Variants in ARHGAP6 observed in about 807,000 individuals in gnomAD.
ARHGAP6 encodes rho GTPase-activating protein 6.
Under a neutral mutation model 55.7 loss-of-function variants are expected in ARHGAP6, and 16 were observed. The ratio of observed to expected loss-of-function variants is 0.29; its 90% CI spans 0.19 to 0.44. The LOEUF is 0.44. ARHGAP6 is among the 20% of genes least tolerant of loss of function. The pLI is 1.00. For synonymous variants in ARHGAP6, 382 were observed against 360.9 expected, an observed-to-expected ratio of 1.06 and a Z score of -0.66; for missense variants, 698 against 808.9, an observed-to-expected ratio of 0.86 and a Z score of 1.66.
intron 1 of ARHGAP6, among the ~76,000 whole-genome samples, chrX:11,598,026 T>A (rs2051922469): frequency 8.9e-6 from 1 of 111,958 alleles, no homozygotes; most frequent in Non-Finnish European, 1.9e-5. Flanking sequence ...GAGAGTCCAG[T>A]CCTAAGACTG....
intron 1 of ARHGAP6, chrX:11,294,845 G>A: frequency 8.3e-7 from 1 of 1,210,888 alleles, no homozygotes; most frequent in Non-Finnish European, 1.1e-6. Context: ...CCATGCCTGT[G>A]AGTAAAACAC....
intron 1 of ARHGAP6, among the ~76,000 whole-genome samples, chrX:11,539,823 G>A (rs1377619317): frequency 8.9e-6 from 1 of 111,966 alleles, no homozygotes; most frequent in Non-Finnish European, 1.9e-5. Flanking sequence ...CTTTAGTTAA[G>A]TCTATAAACA....
intron 11 of ARHGAP6, 49 bp downstream of exon 11, chrX:11,143,931 A>C: frequency 8.3e-7 from 1 of 1,211,911 alleles, no homozygotes; most frequent in South Asian, 1.8e-5. Context: ...ATGCAACAAG[A>C]GGAGGGTCGC....
At chrX:11,366,680 A>C (rs2049082468) in intron 1 of ARHGAP6, among the ~76,000 whole-genome samples, 1 of 112,062 alleles carries the variant, frequency 8.9e-6, no homozygotes, top group Admixed American at 9.4e-5. Context: ...CTAGAGTCAT[A>C]CTTTGCACAG....
At chrX:11,461,161 T>C (rs955086252) in intron 1 of ARHGAP6, among the ~76,000 whole-genome samples, 3 of 111,666 alleles carry the variant, frequency 2.7e-5, no homozygotes, top group Non-Finnish European at 5.6e-5. Context: ...GCAAAACCAG[T>C]CAAGTGATCT....
intron 1 of ARHGAP6, among the ~76,000 whole-genome samples, chrX:11,591,352 T>A (rs1261805863): frequency 3.7e-5 from 4 of 109,126 alleles, no homozygotes; most frequent in Admixed American, 2.9e-4. Context: ...ATTTAAAATA[T>A]GTTTTAAAAC....
At chrX:11,396,555 A>G (rs1176313970) in intron 1 of ARHGAP6, among the ~76,000 whole-genome samples, 1 of 111,643 alleles carries the variant, frequency 9.0e-6, no homozygotes, top group African/African-American at 3.3e-5. Context: ...TATTACATCC[A>G]AGCACTGTTC....
intron 1 of ARHGAP6, among the ~76,000 whole-genome samples, chrX:11,543,393 A>T (rs1321934077): frequency 8.9e-6 from 1 of 112,769 alleles, no homozygotes; most frequent in East Asian, 2.8e-4. Context: ...CGGCAATGTC[A>T]TGGGACATTT....
At chrX:11,239,494 T>C (rs1569268926) in intron 2 of ARHGAP6, among the ~76,000 whole-genome samples, 1 of 111,217 alleles carries the variant, frequency 9.0e-6, no homozygotes, top group Non-Finnish European at 1.9e-5. Flanking sequence ...TAAGCTGACA[T>C]GAAACATCTA....
intron 1 of ARHGAP6, among the ~76,000 whole-genome samples, chrX:11,455,068 G>A (rs1293167148): frequency 1.8e-5 from 2 of 111,603 alleles, no homozygotes; most frequent in Non-Finnish European, 3.8e-5. Context: ...TATCCAATGG[G>A]TAGATTCCAA....
intron 1 of ARHGAP6, among the ~76,000 whole-genome samples, chrX:11,598,433 G>A (rs2051928126): frequency 8.9e-6 from 1 of 111,921 alleles, no homozygotes; most frequent in Non-Finnish European, 1.9e-5. Flanking sequence ...GGCTTGCTAT[G>A]TGGGTATATT....
At chrX:11,238,704 C>T (rs186802770) in intron 2 of ARHGAP6, among the ~76,000 whole-genome samples, 1 of 111,762 alleles carries the variant, frequency 8.9e-6, no homozygotes, top group East Asian at 2.8e-4. Flanking sequence ...CACCCCTCCA[C>T]TTTGTGAGAA....
rs1648513404 is a variant in ARHGAP6 at position 11,271,148 on chromosome X, G to T, written c.589-16441C>A. Among the ~76,000 whole-genome samples the T allele has an allele frequency of 6.3e-5, 7 of 111,578 alleles. No homozygotes were observed. The South Asian group carries it at 2.3e-3, about 36-fold the overall frequency. ...GTCATGTGAACTCTTTGTAGGGCAG[G>T]TCATTTATTCTGTTATGGGTATATT... On this transcript the variant is annotated intron_variant, in intron 1 of 12. Coordinates refer to ENST00000337414, the MANE Select transcript of ARHGAP6 (RefSeq NM_013427.3).
intron 1 of ARHGAP6, among the ~76,000 whole-genome samples, chrX:11,361,754 A>G (rs1382736953): frequency 8.9e-6 from 1 of 111,879 alleles, no homozygotes; most frequent in African/African-American, 3.3e-5. Flanking sequence ...CAACCTACTC[A>G]TCTCACAAAG....
intron 1 of ARHGAP6, among the ~76,000 whole-genome samples, chrX:11,611,785 G>A (rs1224702515): frequency 9.0e-6 from 1 of 110,972 alleles, no homozygotes; most frequent in Non-Finnish European, 1.9e-5. Flanking sequence ...TTTTCTTGGA[G>A]TTCCCCCAAG....
chrX:11,352,089 C>T (rs1291179705), intron 1 of ARHGAP6, among the ~76,000 whole-genome samples: 4 of 112,421 alleles, frequency 3.6e-5, no homozygotes, highest in Non-Finnish European at 7.5e-5. Flanking sequence ...TCAGTAACAC[C>T]ATGTTCTAAT....
At chrX:11,500,759 T>C (rs929624041) in intron 1 of ARHGAP6, among the ~76,000 whole-genome samples, 5 of 105,989 alleles carry the variant, frequency 4.7e-5, no homozygotes, top group Non-Finnish European at 7.7e-5. Flanking sequence ...ATAAAATAAA[T>C]CAAGTCTTTT....
chrX:11,534,072 C>A (rs2051078159), intron 1 of ARHGAP6, among the ~76,000 whole-genome samples: 1 of 110,304 alleles, frequency 9.1e-6, no homozygotes, highest in Non-Finnish European at 1.9e-5. Context: ...TAGGCCCTTA[C>A]AATGGAAAGA....
At chrX:11,485,867 T>C (rs1447910502) in intron 1 of ARHGAP6, among the ~76,000 whole-genome samples, 1 of 111,762 alleles carries the variant, frequency 8.9e-6, no homozygotes. Context: ...GGCCTATGGG[T>C]GGGTGCCTTA....
Sources: gnomAD v4.1 joint callset for allele counts (sites outside exome capture counted in the v4.1 genomes callset) on GRCh38, gnomAD v4.1.1 for gene constraint, MANE v1.5 for transcripts, NCBI Gene and HGNC (gene_info 2026-07-23, HGNC 2026-07-21) for gene names.